The following DOCK8 variants were observed in gnomAD, a reference collection of about 807,000 sequenced individuals.
DOCK8 encodes dedicator of cytokinesis 8.
In DOCK8, 141 loss-of-function variants were observed where a neutral mutation model predicts 245.6. The observed-to-expected ratio is 0.57, with a 90% confidence interval of 0.50 to 0.66. DOCK8 has a LOEUF of 0.66. Among genes scored for constraint, DOCK8 ranks in the 30% least tolerant of loss-of-function variants. The pLI is 0.00. For synonymous variants in DOCK8, 1,168 were observed against 970.2 expected (o/e 1.20, Z -3.79); for missense variants, 2,965 against 2,603.4 (o/e 1.14, Z -3.02).
intron 1 of DOCK8, among the ~76,000 whole-genome samples, chr9:267,005 C>T (rs1045528415): frequency 6.6e-6 from 1 of 152,172 alleles, no homozygotes; most frequent in African/African-American, 2.4e-5. Flanking sequence ...GGCTATGTTC[C>T]TTTTTGTGGA....
At chr9:436,817 C>T (rs1186903997) in intron 39 of DOCK8, among the ~76,000 whole-genome samples, 1 of 152,122 alleles carries the variant, frequency 6.6e-6, no homozygotes, top group African/African-American at 2.4e-5. Context: ...TACATTCTAA[C>T]CAGAGAGACG....
At chr9:266,339 C>T (rs2048034432) in intron 1 of DOCK8, among the ~76,000 whole-genome samples, 1 of 151,780 alleles carries the variant, frequency 6.6e-6, no homozygotes, top group African/African-American at 2.4e-5. Flanking sequence ...AACAGAGAGC[C>T]CAGCAATTTG....
chr9:218,672 T>G (rs1319141817), intron 1 of DOCK8, among the ~76,000 whole-genome samples: 1 of 152,200 alleles, frequency 6.6e-6, no homozygotes, highest in African/African-American at 2.4e-5. Context: ...AAACAAAATC[T>G]TAGTGTCTTT....
chr9:411,654 A>G (rs1277670562), intron 28 of DOCK8, among the ~76,000 whole-genome samples: 1 of 152,158 alleles, frequency 6.6e-6, no homozygotes, highest in Non-Finnish European at 1.5e-5. Flanking sequence ...AGAAAACTAC[A>G]GGCCAGTATC....
rs756260480 is a variant in DOCK8 at position 426,912 on chromosome 9, C to G, written c.4269C>G (p.Ala1423=). The G allele has an allele frequency of 8.1e-6, 13 of 1,613,966 alleles. No homozygotes were observed. The highest frequency in any genetic ancestry group is 6.7e-5 in the East Asian group (3 of 44,888). The part of the protein sequence containing the change: ...DKTKAELDQE[A]LISGNLATEA... The stretch of plus-strand genomic sequence containing the variant: ...CAAAGGCCGAGTTAGATCAAGAAGC[C>G]TTGATCAGTGGCAATCTGGCTACAG... The change falls in exon 34 of 48, where the codon GCC becomes GCG. Residue 1423 remains alanine, a synonymous_variant. Coordinates refer to ENST00000432829, the MANE Select transcript of DOCK8 (RefSeq NM_203447.4).
intron 1 of DOCK8, among the ~76,000 whole-genome samples, chr9:236,425 A>G (rs1318697243): frequency 3.9e-5 from 6 of 152,178 alleles, no homozygotes; most frequent in Admixed American, 2.6e-4. Flanking sequence ...GTCACCCCCA[A>G]CAAAACTAGG....
intron 28 of DOCK8, among the ~76,000 whole-genome samples, chr9:414,015 G>A (rs2055874594): frequency 6.6e-6 from 1 of 152,060 alleles, no homozygotes; most frequent in Admixed American, 6.6e-5. Flanking sequence ...GGTGGCAGGT[G>A]CCTGTAGTCC....
chr9:290,320 T>C (rs542895939), intron 4 of DOCK8, among the ~76,000 whole-genome samples: 18 of 152,166 alleles, frequency 1.2e-4, no homozygotes, highest in African/African-American at 3.9e-4. Context: ...TTAGTGTTAG[T>C]GTATTTGATA....
At chr9:400,061 CCTTCACCAT>C (rs1564011885) in intron 26 of DOCK8, among the ~76,000 whole-genome samples, 65 of 91,000 alleles carry the variant, frequency 7.1e-4, no homozygotes, top group African/African-American at 3.9e-3. Context: ...ATCACCACCT[CCTTCACCAT>C]CACCATCACC....
chr9:431,770 A>C (rs2056722363), intron 36 of DOCK8, among the ~76,000 whole-genome samples: 1 of 152,172 alleles, frequency 6.6e-6, no homozygotes, highest in Admixed American at 6.5e-5. Flanking sequence ...TGGCCTCCCA[A>C]AGTGCTGGGA....
rs1374072455 is a variant in DOCK8, at chr9:289,517, C to G, written c.340C>G (p.Leu114Val). The change falls in exon 4 of 48, where the codon CTG (leucine) becomes GTG (valine). Residue 114 changes from leucine to valine, a missense_variant. Physicochemically the swap from Leu to Val is conservative, Grantham distance 32. Transcript: ENST00000432829. ...QPSLPEEGVE[L>V]DPHVRDCVQT... ...CATTTTCTACCTCATTAGGGTTGAA[C>G]TGGACCCTCATGTCAGGGACTGTGT... 1.4e-5 allele frequency: 22 copies of G among 1,613,292 alleles called. No homozygotes were observed. Among genetic ancestry groups the G allele is most frequent in the Non-Finnish European group, 1.7e-5 (20 of 1,179,532 alleles).
At chr9:273,878 G>A (rs891264408) in intron 2 of DOCK8, among the ~76,000 whole-genome samples, 1 of 151,978 alleles carries the variant, frequency 6.6e-6, no homozygotes, top group African/African-American at 2.4e-5. Context: ...GGCTAATTTT[G>A]TATTTTGAGT....
At chr9:214,863 C>G (rs1477548837), upstream of DOCK8, 5 of 1,602,442 alleles carry the variant, frequency 3.1e-6, no homozygotes, top group African/African-American at 2.7e-5. Context: ...CCAGCGCCGA[C>G]CGACAGACGA....
chr9:359,349 T>A (rs1173947758), intron 14 of DOCK8, among the ~76,000 whole-genome samples: 1 of 152,228 alleles, frequency 6.6e-6, no homozygotes, highest in Non-Finnish European at 1.5e-5. Flanking sequence ...CTGGTACAAG[T>A]TAATGCATTC....
In DOCK8 at chr9:274,130, T is replaced by A. The variant is rs561851158; in HGVS notation, c.156+2401T>A. ...TTCGTTTGGTAAGTTTGCTGCCTCC[T>A]CAGTAAGTTTTGATGAAAGTGAATT... On this transcript the variant is annotated intron_variant, in intron 2 of 47. Transcript: ENST00000432829. Among the ~76,000 whole-genome samples the A allele has an allele frequency of 8.5e-5, 13 of 152,348 alleles. No individual in the cohort carries two copies. The South Asian group carries it at 1.9e-3, about 22-fold the overall frequency.
chr9:303,284 G>T (rs1042696354), intron 4 of DOCK8, among the ~76,000 whole-genome samples: 2 of 152,070 alleles, frequency 1.3e-5, no homozygotes, highest in Non-Finnish European at 2.9e-5. Flanking sequence ...CCCACTACTG[G>T]GTCTATACCC....
At chr9:279,227 A>G (rs977786751) in intron 2 of DOCK8, among the ~76,000 whole-genome samples, 2 of 152,174 alleles carry the variant, frequency 1.3e-5, no homozygotes, top group Admixed American at 1.3e-4. Context: ...GGAAGAGCAG[A>G]TTGCCAGGAA....
intron 30 of DOCK8, 78 bp from the exon 31 acceptor site, chr9:420,323 G>T: frequency 6.7e-7 from 1 of 1,486,024 alleles, no homozygotes. Context: ...TTTTTCTGTT[G>T]CTTGACTGTT....
intron 9 of DOCK8, 149 bp downstream of exon 9, chr9:328,320 T>C: frequency 2.6e-6 from 3 of 1,139,334 alleles, no homozygotes; most frequent in Admixed American, 2.0e-5. Context: ...CCTTTTCCGT[T>C]CTAAGTAAAC....
Sources: gnomAD v4.1 joint callset for allele counts (sites outside exome capture counted in the v4.1 genomes callset) on GRCh38, gnomAD v4.1.1 for gene constraint, MANE v1.5 for transcripts, NCBI Gene and HGNC (gene_info 2026-07-23, HGNC 2026-07-21) for gene names.